TRIM22: variants seen among roughly 807,000 people sequenced by gnomAD.
TRIM22 encodes tripartite motif containing 22.
TRIM22 carries 45 observed loss-of-function variants against 53.6 expected under a neutral mutation model. The ratio of observed to expected loss-of-function variants is 0.84; its 90% CI spans 0.66 to 1.08. The LOEUF is 1.08. TRIM22 is among the 50% of genes least tolerant of loss of function. The probability of loss-of-function intolerance (pLI) is 0.00; values close to 1 mark genes in which losing one functional copy is unlikely to be tolerated. For missense variants in TRIM22, 616 were observed against 590.9 expected (o/e 1.04, Z -0.44); for synonymous variants, 225 against 216.6 (o/e 1.04, Z -0.34).
At chr11:5,706,856 C>T (rs866145006) in intron 5 of TRIM22, among the ~76,000 whole-genome samples, 1 of 152,112 alleles carries the variant, frequency 6.6e-6, no homozygotes, top group South Asian at 2.1e-4. Context: ...ATATCAGAAC[C>T]CCATGACTTC....
chr11:5,708,719 T>A (rs1164686675), intron 7 of TRIM22, 116 bp downstream of exon 7: 22 of 712,232 alleles, frequency 3.1e-5, no homozygotes, highest in Non-Finnish European at 4.1e-6. Flanking sequence ...TGTAGTTCTT[T>A]TTTTTTTTTT....
intron 4 of TRIM22, 52 bp from the exon 5 acceptor site, chr11:5,706,542 G>T: frequency 5.6e-6 from 9 of 1,594,520 alleles, no homozygotes; most frequent in Non-Finnish European, 7.7e-6. Flanking sequence ...CCACTTTTAT[G>T]TTCTAAATCT....
chr11:5,708,531 T>G (rs776651597), intron 6 of TRIM22, 46 bp from the exon 7 acceptor site: 11 of 1,574,312 alleles, frequency 7.0e-6, no homozygotes, highest in Non-Finnish European at 8.6e-6. Flanking sequence ...TGTCAGTACT[T>G]ACTTATTTGC....
At chr11:5,692,876 C>CTTTTT (rs376485434) in intron 1 of TRIM22, among the ~76,000 whole-genome samples, 5 of 132,916 alleles carry the variant, frequency 3.8e-5, no homozygotes, top group Non-Finnish European at 6.2e-5. Context: ...TTAATTTAAT[C>CTTTTT]TTTTTTTTTT....
intron 3 of TRIM22, 81 bp from the exon 4 acceptor site, chr11:5,698,232 GTT>G (rs1417557734): frequency 1.8e-6 from 2 of 1,140,832 alleles, no homozygotes; most frequent in African/African-American, 3.1e-5. Context: ...GAGGAAAACT[GTT>G]CTTATCCTGT....
chr11:5,710,005 A>C lies in TRIM22; in HGVS notation c.*357A>C, dbSNP rs909929011. On this transcript the variant is annotated 3_prime_UTR_variant, in exon 8 of 8. Coordinates refer to ENST00000379965, the MANE Select transcript of TRIM22 (RefSeq NM_006074.5). ...GTCTTTATGTACATCTCTGTGCCCA[A>C]GTTTTCCCTTTTTATTAAGACACCA... 1.5e-5 allele frequency: 3 copies of C among 203,096 alleles called. No individual in the cohort carries two copies. The highest frequency in any genetic ancestry group is 1.4e-4 in the South Asian group (1 of 7,260). The allele number at this position is 203,096 out of a possible 1,614,324, so 12.6% of individuals were successfully genotyped here. A position where few individuals can be genotyped will look rare whatever the true frequency, so the allele number is the denominator to read the frequency against.
intron 4 of TRIM22, 82 bp downstream of exon 4, chr11:5,698,627 G>A: frequency 1.7e-6 from 2 of 1,160,662 alleles, no homozygotes; most frequent in Non-Finnish European, 2.5e-6. Flanking sequence ...CCAGTCTCTA[G>A]GCTTTCTTCT....
At chr11:5,698,164 T>A in intron 3 of TRIM22, 151 bp from the exon 4 acceptor site, 1 of 641,184 alleles carries the variant, frequency 1.6e-6, no homozygotes, top group Admixed American at 2.9e-5. Flanking sequence ...TAGAAAAACA[T>A]GGCTTCACCA....
At position 5,709,655 on chromosome 11, in the gene TRIM22, T is replaced by C; in HGVS notation, c.*7T>C. ...GTGCCCACCGAGCTCCTGAGTGTTC[T>C]CATTCCTTTACCCACTTCTGCATAG... On this transcript the variant is annotated 3_prime_UTR_variant, in exon 8 of 8. Transcript: ENST00000379965. 1 of 1,597,688 alleles carries C rather than the reference T, an allele frequency of 6.3e-7. No homozygotes were observed. Among genetic ancestry groups the C allele is most frequent in the Non-Finnish European group, 8.5e-7 (1 of 1,175,924 alleles).
At position 5,704,976 on chromosome 11, in the gene TRIM22, T is replaced by C. The variant is rs1053661197; in HGVS notation, c.751-1618T>C. 2.6e-5 allele frequency among the ~76,000 whole-genome samples: 4 copies of C among 152,204 alleles called. No homozygotes were observed. In the East Asian group the frequency reaches 7.7e-4, roughly 29 times the overall value. On this transcript the variant is annotated intron_variant, in intron 4 of 7. Transcript: ENST00000379965. ...TGGCAGACAGCTGAGGAATGGACCA[T>C]AGAGGACAATATTTGTTTGTCTGTC...
intron 4 of TRIM22, among the ~76,000 whole-genome samples, chr11:5,701,462 G>A (rs907850001): frequency 2.0e-5 from 3 of 152,182 alleles, no homozygotes; most frequent in Admixed American, 1.3e-4. Flanking sequence ...ATTTGTTAAC[G>A]TGTATTTTGT....
intron 4 of TRIM22, among the ~76,000 whole-genome samples, chr11:5,702,488 A>G (rs1375801764): frequency 6.7e-6 from 1 of 150,264 alleles, no homozygotes; most frequent in East Asian, 1.9e-4. Flanking sequence ...ATACATATAT[A>G]TATAAAGGCT....
chr11:5,702,154 ATTAG>A (rs1222694894), intron 4 of TRIM22, among the ~76,000 whole-genome samples: 19 of 145,872 alleles, frequency 1.3e-4, no homozygotes, highest in Non-Finnish European at 2.8e-4. Flanking sequence ...ACGAATATAT[ATTAG>A]TTATATATTA....
rs755082636 is a variant in TRIM22 at position 5,709,365 on chromosome 11, A to G, written c.1214A>G (p.Tyr405Cys). ...GTTTACTCCAGATATAGACCTCAATATGGCTACTGGGTTATAGGATTACAG... is the reference window on the plus strand; with the variant it reads ...GTTTACTCCAGATATAGACCTCAATGTGGCTACTGGGTTATAGGATTACAG... ...SKVYSRYRPQ[Y>C]GYWVIGLQNT... Residue 405 changes from tyrosine to cysteine, a missense_variant, in exon 8 of 8, where the codon TAT (tyrosine) becomes TGT (cysteine). By Grantham distance (194) the Tyr-to-Cys change is radical. Transcript: ENST00000379965. The G allele has an allele frequency of 1.2e-5, 19 of 1,614,150 alleles. No homozygotes were observed. In the Middle Eastern group the frequency reaches 4.9e-4, roughly 42 times the overall value.
At chr11:5,691,192 G>T (rs968726430) in intron 1 of TRIM22, 1 of 152,264 alleles carries the variant, frequency 6.6e-6, no homozygotes, top group African/African-American at 2.4e-5. Flanking sequence ...GAAGGAAGGG[G>T]TTTATTCGGC....
intron 4 of TRIM22, among the ~76,000 whole-genome samples, chr11:5,702,045 ATTAG>A (rs965388075): frequency 1.4e-5 from 2 of 147,926 alleles, no homozygotes; most frequent in African/African-American, 5.0e-5. Flanking sequence ...CTCTTAGCTT[ATTAG>A]TTATATATTA....
chr11:5,708,780 G>A (rs3740992), intron 7 of TRIM22, among the ~76,000 whole-genome samples, 177 bp downstream of exon 7: 12,730 of 150,964 alleles, frequency 0.084, 553 homozygotes, highest in African/African-American at 0.11. Context: ...GCAATGGCGC[G>A]GTCTCGGCTC....
chr11:5,706,762 T>G (rs1299451848), intron 5 of TRIM22, 146 bp downstream of exon 5: 8 of 847,870 alleles, frequency 9.4e-6, no homozygotes. Context: ...TAGTCACAGA[T>G]TAAAGTTTTC....
In TRIM22 at chr11:5,692,321, AGTCTT is replaced by A. The variant is rs533930662; in HGVS notation, c.-67+2423_-67+2427del. On this transcript the variant is annotated intron_variant, in intron 1 of 7. Coordinates refer to ENST00000379965, the MANE Select transcript of TRIM22 (RefSeq NM_006074.5). ...TCACTGTGAGACAATGATTTTGAGCAGTCTTCAATAAAATGATGGATTTAAGAACT... is the reference window on the plus strand; with the variant it reads ...TCACTGTGAGACAATGATTTTGAGCACAATAAAATGATGGATTTAAGAACT... 3.5e-3 allele frequency among the ~76,000 whole-genome samples: 532 copies of A among 152,362 alleles called. 11 individuals are homozygous for A. The highest frequency in any genetic ancestry group is 0.012 in the African/African-American group (515 of 41,590).
Sources: allele counts gnomAD v4.1 joint callset (sites outside exome capture counted in the v4.1 genomes callset), GRCh38; gene constraint gnomAD v4.1.1; transcripts MANE v1.5; gene names NCBI Gene and HGNC (gene_info 2026-07-23, HGNC 2026-07-21).